BTBD2: variants seen among roughly 807,000 people sequenced by gnomAD.
BTBD2 encodes the protein BTB domain containing 2.
A neutral mutation model predicts 44.0 loss-of-function variants in BTBD2; 15 were observed. That is an observed-to-expected ratio of 0.34 (90% CI 0.23 to 0.53). The LOEUF (loss-of-function observed/expected upper bound fraction) is 0.53. Among genes scored for constraint, BTBD2 ranks in the 20% least tolerant of loss-of-function variants. The pLI, the probability that BTBD2 is intolerant of heterozygous loss-of-function variation, is 0.95. For synonymous variants in BTBD2, 443 were observed against 335.9 expected (o/e 1.32, Z -3.49); for missense variants, 657 against 746.4 (o/e 0.88, Z 1.39).
At chr19:2,007,952 G>C (rs1391986435) in intron 1 of BTBD2, among the ~76,000 whole-genome samples, 2 of 151,908 alleles carry the variant, frequency 1.3e-5, no homozygotes, top group African/African-American at 4.9e-5. Flanking sequence ...CAGATGGGTG[G>C]ATGTGGGTGA....
chr19:1,986,770 C>CG, intron 8 of BTBD2, 60 bp downstream of exon 8: 1 of 1,570,786 alleles, frequency 6.4e-7, no homozygotes, highest in Non-Finnish European at 8.6e-7. Context: ...TGCTGTGCCC[C>CG]GGTGGCTTCA....
Position 1,986,509 on chromosome 19 carries a change from G to A in BTBD2, c.1557C>T (p.Pro519=), listed in dbSNP as rs747448174. 3.8e-5 allele frequency: 62 copies of A among 1,613,830 alleles called. No homozygotes were observed. The highest frequency in any genetic ancestry group is 3.3e-4 in the East Asian group (15 of 44,882). The change falls in exon 9 of 9, where the codon CCC becomes CCT. Residue 519 remains proline, a synonymous_variant. Transcript: ENST00000255608. The part of the protein sequence containing the change: ...NGTSVEDGQI[P]EVIFYT ...CAGCCTAGGTGTAGAAGATGACCTC[G>A]GGGATCTGGCCGTCCTCCACGGATG...
intron 2 of BTBD2, among the ~76,000 whole-genome samples, chr19:1,996,659 G>A (rs538899360): frequency 3.9e-5 from 6 of 152,130 alleles, no homozygotes; most frequent in East Asian, 3.9e-4. Flanking sequence ...TGAGGCAGGC[G>A]GATCACCTGA....
chr19:1,992,984 C>A, intron 3 of BTBD2, 36 bp downstream of exon 3: 1 of 1,465,306 alleles, frequency 6.8e-7, no homozygotes, highest in Non-Finnish European at 9.0e-7. Context: ...CCAGCCAGGC[C>A]TGGCCCCGCC....
In BTBD2 at chr19:2,015,268, G is replaced by C. The variant is rs566431212; in HGVS notation, c.407+29C>G. ...CGGGCAGCAGGCTGGGTGGGTCGGG[G>C]CCAGGGCTGGCGGGGTCGGGGCGCC... On this transcript the variant is annotated intron_variant, in intron 1 of 8. Transcript: ENST00000255608. 100 of 1,529,266 alleles carry C rather than the reference G, an allele frequency of 6.5e-5. No homozygotes were observed. The African/African-American group carries it at 1.3e-3, about 20-fold the overall frequency. 94.7% of individuals were successfully genotyped at this position (1,529,266 alleles called of 1,614,324 possible). A position where few individuals can be genotyped will look rare whatever the true frequency, so the allele number is the denominator to read the frequency against.
Position 1,993,164 on chromosome 19 carries a change from C to T in BTBD2, c.540G>A (p.Ser180=), listed in dbSNP as rs751988930. 3.1e-6 allele frequency: 5 copies of T among 1,601,846 alleles called. No individual in the cohort carries two copies. The South Asian group carries it at 5.5e-5, about 18-fold the overall frequency. The change falls in exon 3 of 9, where the codon TCG becomes TCA. Residue 180 remains serine, a synonymous_variant. Coordinates refer to ENST00000255608, the MANE Select transcript of BTBD2 (RefSeq NM_017797.4). The stretch of plus-strand genomic sequence containing the variant: ...TCTCCGGGCCAATCTGCACCTCGTC[C>T]GAGTAGAGAAACCTGCAGAAGCAAC... The part of the protein sequence containing the change: ...AFLALLKFLY[S]DEVQIGPETV...
intron 1 of BTBD2, among the ~76,000 whole-genome samples, chr19:2,006,856 T>TTTTTTTA (rs992963194): frequency 2.0e-5 from 3 of 151,864 alleles, no homozygotes; most frequent in African/African-American, 7.3e-5. Context: ...GCCCAGCTAA[T>TTTTTTTA]TTTTTTATTT....
intron 6 of BTBD2, 58 bp from the exon 7 acceptor site, chr19:1,987,311 T>C: frequency 6.3e-7 from 1 of 1,589,364 alleles, no homozygotes; most frequent in Non-Finnish European, 8.6e-7. Flanking sequence ...TAAGGTGAGC[T>C]GGGGCGAGCC....
At chr19:2,006,517 A>AG (rs1487521682) in intron 1 of BTBD2, among the ~76,000 whole-genome samples, 2 of 149,566 alleles carry the variant, frequency 1.3e-5, no homozygotes, top group East Asian at 2.0e-4. Context: ...AAAAAAAAAA[A>AG]AAAAGAAAAG....
chr19:1,987,100 T>C, intron 7 of BTBD2, 66 bp downstream of exon 7: 1 of 1,597,702 alleles, frequency 6.3e-7, no homozygotes, highest in Non-Finnish European at 8.6e-7. Flanking sequence ...TCAGCCAGGG[T>C]TCCATGGAGG....
chr19:2,010,890 G>A (rs1423175461), intron 1 of BTBD2, among the ~76,000 whole-genome samples: 6 of 152,100 alleles, frequency 3.9e-5, no homozygotes, highest in Admixed American at 6.6e-5. Context: ...TGCCCATCTC[G>A]GCCTCCCGAA....
At position 1,997,050 on chromosome 19, in the gene BTBD2, C is replaced by G. The variant is rs892301037; in HGVS notation, c.527+294G>C. ...AAAAAATTAGCCGGGCGTGGTGGCACGAGCCTGTAGTCCCAGCTACTTAGG... is the reference window on the plus strand; with the variant it reads ...AAAAAATTAGCCGGGCGTGGTGGCAGGAGCCTGTAGTCCCAGCTACTTAGG... On this transcript the variant is annotated intron_variant, in intron 2 of 8. Coordinates refer to ENST00000255608, the MANE Select transcript of BTBD2 (RefSeq NM_017797.4). Among the ~76,000 whole-genome samples the G allele has an allele frequency of 5.9e-5, 9 of 151,728 alleles. No homozygotes were observed. The South Asian group carries it at 6.3e-4, about 11-fold the overall frequency.
At position 1,987,630 on chromosome 19, in the gene BTBD2, C is replaced by T. The variant is rs531065647; in HGVS notation, c.1051G>A (p.Val351Ile). The change falls in exon 6 of 9, where the codon GTC becomes ATC. Residue 351 changes from valine (V) to isoleucine (I), a missense_variant. By Grantham distance (29) the Val-to-Ile change is conservative. Transcript: ENST00000255608. ...EVVSLFLHFT[V>I]NPKPRVEFID... ...AACTCCACTCGTGGCTTGGGGTTGA[C>T]GGTGAAGTGCAGGAAGAGGCTGACC... is the stretch of plus-strand genomic sequence containing the variant. The T allele has an allele frequency of 6.2e-6, 10 of 1,612,306 alleles. No individual in the cohort carries two copies. The highest frequency in any genetic ancestry group is 2.2e-5 in the South Asian group (2 of 90,904).
intron 1 of BTBD2, among the ~76,000 whole-genome samples, chr19:2,011,304 C>T (rs2016461474): frequency 6.6e-6 from 1 of 152,070 alleles, no homozygotes; most frequent in South Asian, 2.1e-4. Flanking sequence ...TTCTGCCGTC[C>T]CCACCGAGCC....
At chr19:2,007,818 ACT>A (rs2016413670) in intron 1 of BTBD2, among the ~76,000 whole-genome samples, 1 of 148,822 alleles carries the variant, frequency 6.7e-6, no homozygotes, top group Admixed American at 6.7e-5. Context: ...ACAGAGCGAG[ACT>A]CTGTCTCAAA....
rs557784183 is a variant in BTBD2 at position 2,012,745 on chromosome 19, T to G, written c.407+2552A>C. Among the ~76,000 whole-genome samples the G allele has an allele frequency of 1.4e-3, 210 of 152,258 alleles. 1 individual carries two copies. Among genetic ancestry groups the G allele is most frequent in the African/African-American group, 5.0e-3 (207 of 41,556 alleles). On this transcript the variant is annotated intron_variant, in intron 1 of 8. Coordinates refer to ENST00000255608, the MANE Select transcript of BTBD2 (RefSeq NM_017797.4). Reference sequence around the variant, plus strand: ...CCCCGGGGGCAGACCCCTCACCTACTTTTCTCCAAGGGGTCCTTGTCCTGC... The same window carrying G: ...CCCCGGGGGCAGACCCCTCACCTACGTTTCTCCAAGGGGTCCTTGTCCTGC...
chr19:2,000,058 A>T (rs1212488512), intron 1 of BTBD2, among the ~76,000 whole-genome samples: 1 of 151,892 alleles, frequency 6.6e-6, no homozygotes, highest in Non-Finnish European at 1.5e-5. Flanking sequence ...CAGGCCAAGG[A>T]CGTCTGGAGT....
At chr19:2,007,732 AAG>A (rs996948013) in intron 1 of BTBD2, among the ~76,000 whole-genome samples, 1 of 152,164 alleles carries the variant, frequency 6.6e-6, no homozygotes, top group Non-Finnish European at 1.5e-5. Context: ...AGGCTGAGGC[AAG>A]AGAACTGCCG....
chr19:2,015,641 G>T lies in BTBD2; in HGVS notation c.63C>A (p.Gly21=). 1.0e-6 allele frequency: 1 copy of T among 989,790 alleles called. No homozygotes were observed. Among genetic ancestry groups the T allele is most frequent in the Non-Finnish European group, 1.2e-6 (1 of 836,214 alleles). 61.3% of individuals were successfully genotyped at this position (989,790 alleles called of 1,614,324 possible). The change falls in exon 1 of 9, where the codon GGC becomes GGA. Residue 21 remains glycine (G), a synonymous_variant. Coordinates refer to ENST00000255608, the MANE Select transcript of BTBD2 (RefSeq NM_017797.4). ...CGCTGGGCCCGGGACTGCCCCCCGTGCCCGGGCCGACCCCGACCCCCGGCG... is the reference window on the plus strand; with the variant it reads ...CGCTGGGCCCGGGACTGCCCCCCGTTCCCGGGCCGACCCCGACCCCCGGCG... The part of the protein sequence containing the change: ...SCPPGVGVGP[G]TGGSPGPSAN...
Sources: gnomAD v4.1 joint callset for allele counts (sites outside exome capture counted in the v4.1 genomes callset) on GRCh38, gnomAD v4.1.1 for gene constraint, MANE v1.5 for transcripts, NCBI Gene and HGNC (gene_info 2026-07-23, HGNC 2026-07-21) for gene names.